The following ATAD1 variants were observed in gnomAD, a reference collection of about 807,000 sequenced individuals.
The protein encoded by ATAD1 is outer mitochondrial transmembrane helix translocase.
Under a neutral mutation model 42.7 loss-of-function variants are expected in ATAD1, and 18 were observed. The ratio of observed to expected loss-of-function variants is 0.42; its 90% CI spans 0.29 to 0.63. The LOEUF is 0.63. ATAD1 is among the 20% of genes least tolerant of loss of function. The probability of loss-of-function intolerance (pLI) is 0.19; values close to 1 mark genes in which losing one functional copy is unlikely to be tolerated. For synonymous variants in ATAD1, 132 were observed against 143.1 expected, an observed-to-expected ratio of 0.92 and a Z score of 0.55; for missense variants, 294 against 440.4, an observed-to-expected ratio of 0.67 and a Z score of 2.98.
intron 2 of ATAD1, among the ~76,000 whole-genome samples, chr10:87,811,346 T>TAAATAAATAAATAAATAAAC (rs1857173561): frequency 6.6e-6 from 1 of 151,808 alleles, no homozygotes; most frequent in Non-Finnish European, 1.5e-5. Context: ...AATAAATAAA[T>TAAATAAATAAATAAATAAAC]AAATAAATAA....
Position 87,756,815 on chromosome 10 carries a change from T to G in ATAD1, c.939A>C (p.Glu313Asp). The G allele has an allele frequency of 6.2e-7, 1 of 1,605,658 alleles. No individual in the cohort carries two copies. Among genetic ancestry groups the G allele is most frequent in the Non-Finnish European group, 8.5e-7 (1 of 1,176,640 alleles). The change falls in exon 9 of 10, where the codon GAA becomes GAC. Residue 313 changes from glutamate (E) to aspartate (D), a missense_variant. Transcript: ENST00000680024. ...CRDAALLCVR[E>D]YVNSTSEESH... ...TTTCTTCTGATGTAGAATTAACATATTCTCTAACACAGAGGAGGGCAGCAT... is the reference window on the plus strand; with the variant it reads ...TTTCTTCTGATGTAGAATTAACATAGTCTCTAACACAGAGGAGGGCAGCAT...
chr10:87,784,709 A>T, intron 4 of ATAD1, 39 bp from the exon 5 acceptor site: 1 of 1,554,506 alleles, frequency 6.4e-7, no homozygotes, highest in South Asian at 1.2e-5. Context: ...TTAAGGGGAT[A>T]TTTGCTTCAA....
At chr10:87,805,009 G>A (rs943835817) in intron 2 of ATAD1, among the ~76,000 whole-genome samples, 6 of 152,016 alleles carry the variant, frequency 3.9e-5, no homozygotes, top group Non-Finnish European at 7.4e-5. Flanking sequence ...CCAACATAAC[G>A]GTATACTTCC....
At chr10:87,824,035 G>A (rs7900225) in intron 1 of ATAD1, among the ~76,000 whole-genome samples, 1 of 151,894 alleles carries the variant, frequency 6.6e-6, no homozygotes, top group Non-Finnish European at 1.5e-5. Context: ...ATTCACTTTG[G>A]TTAGCACTGG....
chr10:87,776,336 A>C lies in ATAD1; in HGVS notation c.675T>G (p.Thr225=). ...QFMSLWDGLD[T]DHSCQVIVMG... ...ATTCAAATACCTGGCAGCTGTGATC[A>C]GTATCCAATCCATCCCAGAGACTCA... Residue 225 remains threonine (T), a synonymous_variant, in exon 6 of 10, where the codon ACT becomes ACG. Coordinates refer to ENST00000680024, the MANE Select transcript of ATAD1 (RefSeq NM_001321967.2). 6.2e-7 allele frequency: 1 copy of C among 1,612,638 alleles called. No homozygotes were observed. Among genetic ancestry groups the C allele is most frequent in the Non-Finnish European group, 8.5e-7 (1 of 1,178,984 alleles).
At chr10:87,783,438 AAAAT>A (rs1855667078) in intron 5 of ATAD1, among the ~76,000 whole-genome samples, 1 of 152,044 alleles carries the variant, frequency 6.6e-6, no homozygotes, top group Non-Finnish European at 1.5e-5. Context: ...CCAAAACACC[AAAAT>A]AACTGGAGTA....
intron 1 of ATAD1, among the ~76,000 whole-genome samples, chr10:87,826,396 C>T (rs1381915590): frequency 1.3e-5 from 2 of 152,214 alleles, no homozygotes; most frequent in Non-Finnish European, 2.9e-5. Context: ...CAGAGGCATG[C>T]CCCTACCCAT....
intron 2 of ATAD1, among the ~76,000 whole-genome samples, chr10:87,805,110 A>T (rs185975428): frequency 2.4e-4 from 36 of 152,274 alleles, no homozygotes; most frequent in South Asian, 6.2e-4. Context: ...GGGCCCACTG[A>T]TTATCTGGTA....
intron 1 of ATAD1, among the ~76,000 whole-genome samples, chr10:87,831,647 G>A: frequency 6.6e-6 from 1 of 152,184 alleles, no homozygotes; most frequent in East Asian, 1.9e-4. Flanking sequence ...CAAGTGCAGG[G>A]CCTTACAATT....
At chr10:87,790,764 C>T (rs1289948405) in intron 3 of ATAD1, among the ~76,000 whole-genome samples, 1 of 152,082 alleles carries the variant, frequency 6.6e-6, no homozygotes, top group Non-Finnish European at 1.5e-5. Flanking sequence ...CATAATTTAG[C>T]ACTGGCTGAT....
At chr10:87,767,793 T>C (rs992962274) in intron 7 of ATAD1, 70 bp from the exon 8 acceptor site, 1 of 1,443,546 alleles carries the variant, frequency 6.9e-7, no homozygotes, top group Non-Finnish European at 9.5e-7. Flanking sequence ...GTAGTGTTCC[T>C]AATATTTTGT....
At chr10:87,818,372 T>G, upstream of ATAD1, 1 of 494,826 alleles carries the variant, frequency 2.0e-6, no homozygotes, top group Non-Finnish European at 2.6e-6. Flanking sequence ...TGATGTCTGC[T>G]TAAGCTACCT....
intron 2 of ATAD1, among the ~76,000 whole-genome samples, chr10:87,807,182 T>C (rs889592397): frequency 6.6e-6 from 1 of 152,104 alleles, no homozygotes; most frequent in Non-Finnish European, 1.5e-5. Flanking sequence ...AGGAAAAGTG[T>C]TTTTCCTCTC....
chr10:87,802,069 A>T (rs1856722307), intron 2 of ATAD1, among the ~76,000 whole-genome samples: 1 of 152,178 alleles, frequency 6.6e-6, no homozygotes, highest in Admixed American at 6.5e-5. Context: ...TCTCTACCTG[A>T]TTTCTCTAGA....
chr10:87,798,678 C>T (rs1358013771), intron 2 of ATAD1, among the ~76,000 whole-genome samples: 3 of 95,332 alleles, frequency 3.1e-5, no homozygotes, highest in Non-Finnish European at 7.1e-5. Context: ...TTTATAATTT[C>T]CATAGCTTTA....
intron 2 of ATAD1, among the ~76,000 whole-genome samples, chr10:87,798,772 GCTAT>G (rs1277980158): frequency 6.6e-6 from 1 of 151,796 alleles, no homozygotes; most frequent in Non-Finnish European, 1.5e-5. Flanking sequence ...TGTAAATTTG[GCTAT>G]CTGATTTTCA....
chr10:87,818,287 C>T (rs1589567216), upstream of ATAD1: 2 of 984,704 alleles, frequency 2.0e-6, no homozygotes, highest in South Asian at 4.7e-5. Context: ...GGAGCATGCG[C>T]GACCCGCGGT....
intron 1 of ATAD1, among the ~76,000 whole-genome samples, chr10:87,830,295 T>A (rs1857805257): frequency 6.6e-6 from 1 of 152,250 alleles, no homozygotes. Flanking sequence ...TATGAGCTCA[T>A]GAACAGCTGA....
intron 1 of ATAD1, among the ~76,000 whole-genome samples, chr10:87,826,318 C>T (rs573310624): frequency 1.4e-4 from 22 of 152,336 alleles, no homozygotes; most frequent in African/African-American, 4.8e-4. Context: ...TACTTTCTAG[C>T]CTGCTGCTTA....
Sources: gnomAD v4.1 joint callset for allele counts (sites outside exome capture counted in the v4.1 genomes callset) on GRCh38, gnomAD v4.1.1 for gene constraint, MANE v1.5 for transcripts, NCBI Gene and HGNC (gene_info 2026-07-23, HGNC 2026-07-21) for gene names.